KCNH5: variants seen among roughly 807,000 people sequenced by gnomAD.
KCNH5 encodes voltage-gated delayed rectifier potassium channel KCNH5.
KCNH5 carries 46 observed loss-of-function variants against 96.1 expected under a neutral mutation model. The observed-to-expected ratio is 0.48, with a 90% CI of 0.38 to 0.61. KCNH5 has a LOEUF of 0.61. Ranked by LOEUF, KCNH5 falls within the 20% of genes least tolerant of loss-of-function variation. The probability of loss-of-function intolerance (pLI) is 0.00; values close to 1 mark genes in which losing one functional copy is unlikely to be tolerated. For missense variants in KCNH5, 907 were observed against 1,225.8 expected (o/e 0.74, Z 3.88); for synonymous variants, 439 against 449.8 (o/e 0.98, Z 0.30).
At chr14:62,953,161 AGT>A (rs1312625722) in intron 6 of KCNH5, among the ~76,000 whole-genome samples, 1 of 151,602 alleles carries the variant, frequency 6.6e-6, no homozygotes, top group Admixed American at 6.6e-5. Context: ...ATATACATAA[AGT>A]ATATATAAAA....
chr14:62,814,235 G>A (rs1038361031), intron 8 of KCNH5, among the ~76,000 whole-genome samples: 1 of 152,120 alleles, frequency 6.6e-6, no homozygotes, highest in East Asian at 1.9e-4. Context: ...CACAATATTA[G>A]TTTTGCAGTA....
intron 8 of KCNH5, among the ~76,000 whole-genome samples, chr14:62,808,950 A>T (rs2140005759): frequency 6.6e-6 from 1 of 152,236 alleles, no homozygotes; most frequent in East Asian, 1.9e-4. Flanking sequence ...AAATTGTAAC[A>T]TTAGAATAGA....
At chr14:62,988,444 G>A (rs913028968) in intron 4 of KCNH5, among the ~76,000 whole-genome samples, 4 of 152,032 alleles carry the variant, frequency 2.6e-5, no homozygotes, top group Admixed American at 2.6e-4. Context: ...ACCATAAAAT[G>A]CAGGTGACAT....
At position 62,706,818 on chromosome 14, in the gene KCNH5, G is replaced by C. The variant is rs1450471602; in HGVS notation, c.*690C>G. On this transcript the variant is annotated 3_prime_UTR_variant, in exon 11 of 11. Transcript: ENST00000322893. ...GCTGTTCTCCAAGAAGGAGGGAGTA[G>C]GGATTTCCTTACATAAGAGCTAATG... The C allele has an allele frequency of 6.6e-6, 1 of 152,122 alleles. No individual in the cohort carries two copies. Among genetic ancestry groups the C allele is most frequent in the Admixed American group, 6.5e-5 (1 of 15,278 alleles). 9.4% of individuals were successfully genotyped at this position (152,122 alleles called of 1,614,324 possible). A position where few individuals can be genotyped will look rare whatever the true frequency, so the allele number is the denominator to read the frequency against.
chr14:62,776,580 TA>T (rs1330926391), intron 10 of KCNH5, among the ~76,000 whole-genome samples: 1 of 152,212 alleles, frequency 6.6e-6, no homozygotes, highest in Non-Finnish European at 1.5e-5. Flanking sequence ...GCTTTCATAC[TA>T]CAGTGGAAAA....
chr14:62,952,376 A>G (rs1391118899), intron 6 of KCNH5, among the ~76,000 whole-genome samples: 1 of 152,202 alleles, frequency 6.6e-6, no homozygotes, highest in Non-Finnish European at 1.5e-5. Flanking sequence ...TCAAAAATGG[A>G]ACAGTGCAGT....
At chr14:62,803,996 A>T (rs942405240) in intron 8 of KCNH5, among the ~76,000 whole-genome samples, 1 of 152,186 alleles carries the variant, frequency 6.6e-6, no homozygotes, top group African/African-American at 2.4e-5. Context: ...GCTTTAAAAA[A>T]TTTCCTAAGG....
At chr14:62,739,630 C>T (rs1295391823) in intron 10 of KCNH5, among the ~76,000 whole-genome samples, 1 of 152,020 alleles carries the variant, frequency 6.6e-6, no homozygotes, top group Admixed American at 6.6e-5. Context: ...AGTGACCCAT[C>T]GAAACTATAA....
chr14:62,875,028 G>A, intron 7 of KCNH5, among the ~76,000 whole-genome samples: 9 of 124,394 alleles, frequency 7.2e-5, no homozygotes, highest in African/African-American at 2.7e-4. Flanking sequence ...AAAATCACAA[G>A]CATTCTTATA....
intron 9 of KCNH5, among the ~76,000 whole-genome samples, chr14:62,797,377 T>C (rs898492100): frequency 6.6e-6 from 1 of 152,212 alleles, no homozygotes; most frequent in African/African-American, 2.4e-5. Flanking sequence ...TTTATAAAAA[T>C]ATCTGAATTA....
chr14:62,950,632 G>T, intron 6 of KCNH5, 73 bp from the exon 7 acceptor site: 1 of 1,214,390 alleles, frequency 8.2e-7, no homozygotes, highest in Non-Finnish European at 1.1e-6. Context: ...CAATACAATG[G>T]CTCACCTTCA....
At chr14:62,908,204 T>C (rs1889067271) in intron 7 of KCNH5, among the ~76,000 whole-genome samples, 1 of 152,236 alleles carries the variant, frequency 6.6e-6, no homozygotes, top group African/African-American at 2.4e-5. Flanking sequence ...AATAGGAGGC[T>C]ACCATTCTTG....
chr14:62,881,018 G>A (rs1187931809), intron 7 of KCNH5, among the ~76,000 whole-genome samples: 1 of 152,144 alleles, frequency 6.6e-6, no homozygotes, highest in Non-Finnish European at 1.5e-5. Flanking sequence ...CATTTTATAA[G>A]AGCCAGATTT....
At chr14:62,922,601 T>C (rs1426339153) in intron 7 of KCNH5, among the ~76,000 whole-genome samples, 2 of 152,010 alleles carry the variant, frequency 1.3e-5, no homozygotes, top group African/African-American at 2.4e-5. Context: ...TCATACACTA[T>C]ACGCCATGAT....
In KCNH5 at chr14:62,701,010, C is replaced by G. The variant is rs1884339812; in HGVS notation, c.*6498G>C. 1 of 152,106 alleles carries G rather than the reference C, an allele frequency of 6.6e-6. No homozygotes were observed. The highest frequency in any genetic ancestry group is 1.5e-5 in the Non-Finnish European group (1 of 67,994). The allele number at this position is 152,106 out of a possible 1,614,324, so 9.4% of individuals were successfully genotyped here. ...AAATTAGTTATTATGGATACTCAAT[C>G]TGGTTTATTGAAGCTTCAAGGTGAA... On this transcript the variant is annotated 3_prime_UTR_variant, in exon 11 of 11. Transcript: ENST00000322893.
intron 8 of KCNH5, among the ~76,000 whole-genome samples, chr14:62,827,310 G>A (rs1887247208): frequency 6.6e-6 from 1 of 152,128 alleles, no homozygotes; most frequent in African/African-American, 2.4e-5. Flanking sequence ...TGAGCCAGGA[G>A]CATTGGCATC....
Position 62,702,186 on chromosome 14 carries a change from C to T in KCNH5, c.*5322G>A, listed in dbSNP as rs990822364. ...CAAACATACCACATTTGACAGTTTA[C>T]TTTGGCCGATGTCTTTCAACTGTTA... On this transcript the variant is annotated 3_prime_UTR_variant, in exon 11 of 11. Transcript: ENST00000322893. 1 of 152,052 alleles carries T rather than the reference C, an allele frequency of 6.6e-6. No homozygotes were observed. Among genetic ancestry groups the T allele is most frequent in the East Asian group, 1.9e-4 (1 of 5,196 alleles). 9.4% of individuals were successfully genotyped at this position (152,052 alleles called of 1,614,324 possible).
chr14:62,869,576 T>C (rs113121620), intron 7 of KCNH5, among the ~76,000 whole-genome samples: 7,697 of 152,248 alleles, frequency 0.051, 644 homozygotes, highest in African/African-American at 0.17. Context: ...CCATTGCTTT[T>C]GGTGTTTCAG....
At chr14:62,846,188 C>T (rs2140041961) in intron 8 of KCNH5, among the ~76,000 whole-genome samples, 1 of 151,988 alleles carries the variant, frequency 6.6e-6, no homozygotes, top group East Asian at 1.9e-4. Context: ...GAAAATAAGC[C>T]TTTTTTATGC....
Sources: gnomAD v4.1 joint callset for allele counts (sites outside exome capture counted in the v4.1 genomes callset) on GRCh38, gnomAD v4.1.1 for gene constraint, MANE v1.5 for transcripts, NCBI Gene and HGNC (gene_info 2026-07-23, HGNC 2026-07-21) for gene names.